Variants in SORCS2 observed in about 807,000 individuals in gnomAD.
SORCS2 encodes sortilin related VPS10 domain containing receptor 2.
In SORCS2, 100 loss-of-function variants were observed where a neutral mutation model predicts 141.6. The ratio of observed to expected loss-of-function variants is 0.71; its 90% confidence interval spans 0.60 to 0.83. The LOEUF is 0.83. SORCS2 is among the 40% of genes least tolerant of loss of function. The pLI, the probability that SORCS2 is intolerant of heterozygous loss-of-function variation, is 0.00. For synonymous variants in SORCS2, 789 were observed against 676.9 expected (o/e 1.17, Z -2.57); for missense variants, 1,646 against 1,560.2 (o/e 1.05, Z -0.93).
chr4:7,575,974 C>T (rs562847916), intron 3 of SORCS2, among the ~76,000 whole-genome samples: 79 of 152,094 alleles, frequency 5.2e-4, no homozygotes, highest in Admixed American at 7.9e-4. Flanking sequence ...TTGAAAGGGT[C>T]GGTTGATTCT....
At chr4:7,694,981 C>T (rs1577082688) in intron 11 of SORCS2, among the ~76,000 whole-genome samples, 1 of 152,034 alleles carries the variant, frequency 6.6e-6, no homozygotes, top group East Asian at 2.0e-4. Context: ...ACCGTCCTGG[C>T]TCTGTGTTCA....
rs1359007858 is a variant in SORCS2 at position 7,648,064 on chromosome 4, A to G, written c.814-6070A>G. Among the ~76,000 whole-genome samples the G allele has an allele frequency of 6.6e-6, 1 of 151,726 alleles. No individual in the cohort carries two copies. The highest frequency in any genetic ancestry group is 1.5e-5 in the Non-Finnish European group (1 of 67,936). ...GGGAAGTGGGGTGGCCTGAGATGGA[A>G]TGGGGTGCCGGCCCCTGAGGGCTCT... On this transcript the variant is annotated intron_variant, in intron 4 of 26. Transcript: ENST00000507866. The surrounding 1 kb of genome is among the most constrained non-coding windows in gnomAD (Gnocchi z 4.2).
At chr4:7,264,824 G>C (rs556690493) in intron 1 of SORCS2, among the ~76,000 whole-genome samples, 1 of 152,296 alleles carries the variant, frequency 6.6e-6, no homozygotes, top group African/African-American at 2.4e-5. Flanking sequence ...CACCCTCTCC[G>C]TGCAGCCCTG....
intron 14 of SORCS2, among the ~76,000 whole-genome samples, chr4:7,710,408 A>G (rs1725748866): frequency 6.6e-6 from 1 of 150,960 alleles, no homozygotes; most frequent in African/African-American, 2.5e-5. Flanking sequence ...GGTGCTCCGT[A>G]TGCACCAGTG....
intron 3 of SORCS2, among the ~76,000 whole-genome samples, chr4:7,623,949 C>G (rs566919623): frequency 6.6e-6 from 1 of 152,194 alleles, no homozygotes; most frequent in African/African-American, 2.4e-5. Flanking sequence ...TCTACCCCAC[C>G]AACCCCTAAG....
rs556383773 is a variant in SORCS2 at position 7,578,504 on chromosome 4, A to T, written c.648+46875A>T. Among the ~76,000 whole-genome samples the T allele has an allele frequency of 1.2e-3, 180 of 152,322 alleles. 1 individual carries two copies. Among genetic ancestry groups the T allele is most frequent in the Non-Finnish European group, 2.1e-3 (141 of 68,028 alleles). On this transcript the variant is annotated intron_variant, in intron 3 of 26. Transcript: ENST00000507866. ...AATTACAACCAAATTATCCATCACA[A>T]TTACTTCCAGTTAATTTGTCCTGCT...
At chr4:7,321,948 G>T (rs1480356109) in intron 1 of SORCS2, among the ~76,000 whole-genome samples, 1 of 152,218 alleles carries the variant, frequency 6.6e-6, no homozygotes, top group Non-Finnish European at 1.5e-5. Context: ...GGCTTGGTGT[G>T]CATTTAGCCC....
chr4:7,525,861 C>G lies in SORCS2; in HGVS notation c.549-5669C>G, dbSNP rs532680416. On this transcript the variant is annotated intron_variant, in intron 2 of 26. Coordinates refer to ENST00000507866, the MANE Select transcript of SORCS2 (RefSeq NM_020777.3). ...CCTGGGCCCTCCTGCAGTCACCTGTCCCCTCCTCAGTCACCTGTCCCCTCC... is the reference window on the plus strand; with the variant it reads ...CCTGGGCCCTCCTGCAGTCACCTGTGCCCTCCTCAGTCACCTGTCCCCTCC... Among the ~76,000 whole-genome samples, 17 of 138,586 alleles carry G rather than the reference C, an allele frequency of 1.2e-4. 1 individual carries two copies. Among genetic ancestry groups the G allele is most frequent in the Non-Finnish European group, 1.7e-4 (11 of 63,672 alleles). The allele number at this position is 138,586 out of a possible 152,430, so 90.9% of individuals were successfully genotyped here.
At chr4:7,357,736 C>T (rs1166700953) in intron 1 of SORCS2, among the ~76,000 whole-genome samples, 3 of 152,128 alleles carry the variant, frequency 2.0e-5, no homozygotes, top group Non-Finnish European at 4.4e-5. Context: ...CATACACTCA[C>T]CCACTCGGGG....
At chr4:7,351,544 T>C (rs188340036) in intron 1 of SORCS2, among the ~76,000 whole-genome samples, 13 of 152,336 alleles carry the variant, frequency 8.5e-5, no homozygotes, top group Admixed American at 2.0e-4. Flanking sequence ...ACAACAGTTC[T>C]CTGGGTCAGG....
chr4:7,509,554 C>G (rs920267951), intron 2 of SORCS2, among the ~76,000 whole-genome samples: 6 of 152,150 alleles, frequency 3.9e-5, no homozygotes, highest in Non-Finnish European at 7.3e-5. Flanking sequence ...ACTCTGCGGT[C>G]GACGCTGGGG....
intron 3 of SORCS2, among the ~76,000 whole-genome samples, chr4:7,623,177 C>A (rs1325306283): frequency 6.6e-6 from 1 of 152,096 alleles, no homozygotes; most frequent in Admixed American, 6.5e-5. Context: ...CAATGCCCTG[C>A]CTTTTACAAT....
At chr4:7,603,604 A>G (rs796646599) in intron 3 of SORCS2, among the ~76,000 whole-genome samples, 12 of 152,366 alleles carry the variant, frequency 7.9e-5, no homozygotes, top group African/African-American at 2.9e-4. Flanking sequence ...TTCTTTAAAC[A>G]TGTGAACATC....
chr4:7,469,059 A>G (rs912361474), intron 2 of SORCS2, among the ~76,000 whole-genome samples: 1 of 152,114 alleles, frequency 6.6e-6, no homozygotes, highest in Admixed American at 6.6e-5. Flanking sequence ...AGAGCCTGAC[A>G]AGGAGTTAAG....
intron 2 of SORCS2, among the ~76,000 whole-genome samples, chr4:7,524,410 C>G (rs1028628166): frequency 2.0e-5 from 3 of 152,078 alleles, no homozygotes; most frequent in African/African-American, 7.2e-5. Context: ...AGGGGACAAG[C>G]CACGCGGGTT....
chr4:7,651,523 G>T (rs182045797), intron 4 of SORCS2, among the ~76,000 whole-genome samples: 12 of 152,320 alleles, frequency 7.9e-5, no homozygotes, highest in African/African-American at 2.2e-4. Context: ...CCCAGTTGCT[G>T]TGCCAGACCC....
chr4:7,319,665 G>A (rs1577394162), intron 1 of SORCS2, among the ~76,000 whole-genome samples: 1 of 152,154 alleles, frequency 6.6e-6, no homozygotes, highest in South Asian at 2.1e-4. Context: ...AGTGAACTAT[G>A]ATCATGCCAC....
chr4:7,457,947 A>G (rs534487208), intron 2 of SORCS2, among the ~76,000 whole-genome samples: 1 of 151,912 alleles, frequency 6.6e-6, no homozygotes, highest in East Asian at 1.9e-4. Context: ...GCTGCGGGGC[A>G]GGGACGTCCA....
chr4:7,236,160 A>C (rs988768200), intron 1 of SORCS2, among the ~76,000 whole-genome samples: 1 of 152,200 alleles, frequency 6.6e-6, no homozygotes, highest in Admixed American at 6.5e-5. Flanking sequence ...CATGTATGTG[A>C]GTGTGAAAAG....
Sources: allele counts gnomAD v4.1 joint callset (sites outside exome capture counted in the v4.1 genomes callset), GRCh38; gene constraint gnomAD v4.1.1; non-coding constraint Gnocchi (gnomAD v3.1); transcripts MANE v1.5; gene names NCBI Gene and HGNC (gene_info 2026-07-23, HGNC 2026-07-21).